The following CHSY3 variants were observed in gnomAD, a reference collection of about 807,000 sequenced individuals.
CHSY3 encodes N-acetylgalactosaminyl-proteoglycan 3-beta-glucuronosyltransferase 3.
CHSY3 carries 35 observed loss-of-function variants against 67.2 expected under a neutral mutation model. That is an observed-to-expected ratio of 0.52 (90% CI 0.40 to 0.69). CHSY3 has a LOEUF of 0.69. Among genes scored for constraint, CHSY3 ranks in the 30% least tolerant of loss-of-function variants. The pLI, the probability that CHSY3 is intolerant of heterozygous loss-of-function variation, is 0.00. For synonymous variants in CHSY3, 474 were observed against 434.7 expected (o/e 1.09, Z -1.12); for missense variants, 1,069 against 1,138.5 (o/e 0.94, Z 0.88).
intron 2 of CHSY3, among the ~76,000 whole-genome samples, chr5:130,125,738 A>C (rs1768259895): frequency 6.6e-6 from 1 of 152,164 alleles, no homozygotes; most frequent in South Asian, 2.1e-4. Context: ...TGTTGACTTG[A>C]TGGTGGCAAA....
At chr5:130,152,964 C>T (rs1291774948) in intron 2 of CHSY3, among the ~76,000 whole-genome samples, 1 of 152,188 alleles carries the variant, frequency 6.6e-6, no homozygotes, top group Non-Finnish European at 1.5e-5. Context: ...CAGCGGCTCA[C>T]ACCTGTAATC....
chr5:130,056,558 T>A (rs1765538259), intron 2 of CHSY3, among the ~76,000 whole-genome samples: 1 of 152,218 alleles, frequency 6.6e-6, no homozygotes, highest in Admixed American at 6.5e-5. Flanking sequence ...TCAGAATTGA[T>A]CTTTTTGTTT....
intron 1 of CHSY3, 73 bp downstream of exon 1, chr5:129,905,704 T>C: frequency 6.4e-7 from 1 of 1,554,060 alleles, no homozygotes; most frequent in Non-Finnish European, 8.7e-7. Flanking sequence ...TCCTAGCCCC[T>C]GCCCAGCCCC....
At chr5:129,983,461 A>G (rs1413327086) in intron 2 of CHSY3, among the ~76,000 whole-genome samples, 1 of 152,122 alleles carries the variant, frequency 6.6e-6, no homozygotes, top group Non-Finnish European at 1.5e-5. Flanking sequence ...TTTATAATGT[A>G]TTCCATTTTT....
intron 2 of CHSY3, among the ~76,000 whole-genome samples, chr5:129,931,575 T>A (rs548656409): frequency 6.6e-6 from 1 of 152,256 alleles, no homozygotes; most frequent in South Asian, 2.1e-4. Flanking sequence ...CACAGTGGCT[T>A]TTGCTTTTCA....
At chr5:129,986,903 A>G (rs1401071110) in intron 2 of CHSY3, among the ~76,000 whole-genome samples, 2 of 152,204 alleles carry the variant, frequency 1.3e-5, no homozygotes, top group Non-Finnish European at 2.9e-5. Flanking sequence ...CTGGCCTCCC[A>G]AAGTACTGGG....
intron 2 of CHSY3, among the ~76,000 whole-genome samples, chr5:130,077,398 A>G (rs924068393): frequency 1.3e-5 from 2 of 152,102 alleles, no homozygotes; most frequent in African/African-American, 4.8e-5. Context: ...AAGCCCAAAC[A>G]GGAATTTATT....
chr5:130,129,566 T>C (rs1055130651), intron 2 of CHSY3, among the ~76,000 whole-genome samples: 1 of 152,130 alleles, frequency 6.6e-6, no homozygotes, highest in Non-Finnish European at 1.5e-5. Flanking sequence ...ATAAAACTAA[T>C]AAAAATTTTA....
chr5:129,919,490 G>A (rs533499575), intron 2 of CHSY3, among the ~76,000 whole-genome samples: 140 of 152,298 alleles, frequency 9.2e-4, no homozygotes, highest in Middle Eastern at 3.4e-3. Flanking sequence ...GTTCCACGTG[G>A]CTGGGGAGGC....
chr5:130,017,476 T>G (rs1484236229), intron 2 of CHSY3, among the ~76,000 whole-genome samples: 1 of 152,054 alleles, frequency 6.6e-6, no homozygotes, highest in Non-Finnish European at 1.5e-5. Context: ...TAGGGAAGGC[T>G]GGGGTAGCGT....
intron 2 of CHSY3, among the ~76,000 whole-genome samples, chr5:129,914,132 CAG>C (rs1176330389): frequency 6.6e-6 from 1 of 151,856 alleles, no homozygotes; most frequent in Non-Finnish European, 1.5e-5. Flanking sequence ...TTTTTTGACA[CAG>C]AGTTTCACTC....
chr5:129,921,346 G>A (rs1286886730), intron 2 of CHSY3, among the ~76,000 whole-genome samples: 2 of 152,078 alleles, frequency 1.3e-5, no homozygotes, highest in Non-Finnish European at 2.9e-5. Context: ...GAATCGAGGT[G>A]GCTACTGAGT....
At position 130,184,354 on chromosome 5, in the gene CHSY3, G is replaced by T; in HGVS notation, c.1212G>T (p.Arg404Ser). The T allele has an allele frequency of 6.2e-7, 1 of 1,614,054 alleles. No homozygotes were observed. The highest frequency in any genetic ancestry group is 8.5e-7 in the Non-Finnish European group (1 of 1,179,986). ...HPNKRPAYQY[R>S]LHNYMLSRKI... ...ACAAAAGGCCTGCATACCAATACAG[G>T]CTGCATAATTACATGCTCAGCCGCA... is the stretch of plus-strand genomic sequence containing the variant. Residue 404 changes from arginine (R) to serine (S), a missense_variant, in exon 3 of 3, where the codon AGG becomes AGT. Around this residue, in one of 5 missense-constraint regions of CHSY3, gnomAD observed 216 missense variants for 311.5 expected, o/e 0.69. Transcript: ENST00000305031.
At chr5:130,093,061 T>C (rs1186224220) in intron 2 of CHSY3, among the ~76,000 whole-genome samples, 1 of 152,178 alleles carries the variant, frequency 6.6e-6, no homozygotes, top group East Asian at 1.9e-4. Context: ...GTTTTAAGAC[T>C]GGGAGAATCA....
chr5:130,114,795 C>A (rs906451709), intron 2 of CHSY3, among the ~76,000 whole-genome samples: 6 of 152,116 alleles, frequency 3.9e-5, no homozygotes, highest in African/African-American at 1.4e-4. Context: ...CAGTTTAGGA[C>A]GTCATCTGGC....
rs199888569 is a variant in CHSY3, at chr5:130,185,078, C to T, written c.1936C>T (p.Leu646Phe). 2.6e-5 allele frequency: 42 copies of T among 1,604,314 alleles called. No homozygotes were observed. Among genetic ancestry groups the T allele is most frequent in the Non-Finnish European group, 3.5e-5 (41 of 1,171,224 alleles). ...CATGGAGAACTTTGAAAACATGTGT[C>T]TTATCCCAAAGCAGAATGTAAAGTT... ...RFMENFENMC[L>F]IPKQNVKLVI... is the part of the protein sequence containing the mutation. The change falls in exon 3 of 3, where the codon CTT (leucine) becomes TTT (phenylalanine). Residue 646 changes from leucine to phenylalanine, a missense_variant. Physicochemically the swap from Leu to Phe is conservative, Grantham distance 22. Coordinates refer to ENST00000305031, the MANE Select transcript of CHSY3 (RefSeq NM_175856.5).
intron 2 of CHSY3, among the ~76,000 whole-genome samples, chr5:129,998,900 G>T (rs2149636788): frequency 1.3e-5 from 2 of 151,898 alleles, no homozygotes; most frequent in South Asian, 4.1e-4. Flanking sequence ...TGTTTTTTAT[G>T]CAGAATTTTT....
chr5:129,979,438 T>G (rs1025839165), intron 2 of CHSY3, among the ~76,000 whole-genome samples: 1 of 152,054 alleles, frequency 6.6e-6, no homozygotes, highest in Non-Finnish European at 1.5e-5. Flanking sequence ...CAATTAGAGA[T>G]TCTGGCCTTC....
chr5:130,045,244 A>G (rs1426089580), intron 2 of CHSY3, among the ~76,000 whole-genome samples: 1 of 152,136 alleles, frequency 6.6e-6, no homozygotes, highest in East Asian at 1.9e-4. Flanking sequence ...TGAGGTACAC[A>G]GAGTGTAAAA....
Sources: gnomAD v4.1 joint callset for allele counts (sites outside exome capture counted in the v4.1 genomes callset) on GRCh38, gnomAD v4.1.1 for gene constraint, gnomAD v4.1.1 regional missense constraint, MANE v1.5 for transcripts, NCBI Gene and HGNC (gene_info 2026-07-23, HGNC 2026-07-21) for gene names.